The following DPYSL5 variants were observed in gnomAD, a reference collection of about 807,000 sequenced individuals.
DPYSL5 encodes dihydropyrimidinase-related protein 5.
In DPYSL5, 9 loss-of-function variants were observed where a neutral mutation model predicts 58.4. That is an observed-to-expected ratio of 0.15 (90% CI 0.09 to 0.27). The LOEUF is 0.27. Among genes scored for constraint, DPYSL5 ranks in the 10% least tolerant of loss-of-function variants. The pLI, the probability that DPYSL5 is intolerant of heterozygous loss-of-function variation, is 1.00. For synonymous variants in DPYSL5, 293 were observed against 301.9 expected, an observed-to-expected ratio of 0.97 and a Z score of 0.31; for missense variants, 499 against 770.6, an observed-to-expected ratio of 0.65 and a Z score of 4.17.
Position 26,941,974 on chromosome 2 carries a change from C to T in DPYSL5, c.1114C>T (p.Arg372Cys), listed in dbSNP as rs201235120. Residue 372 changes from arginine (R) to cysteine (C), a missense_variant, in exon 10 of 13, where the codon CGT becomes TGT. By Grantham distance (180) the Arg-to-Cys change is radical. Transcript: ENST00000288699. Reference protein sequence around the residue: ...GVVGGKMDENRFVAVTSSNAA... With the variant: ...GVVGGKMDENCFVAVTSSNAA... ...GGTTGGAGGAAAGATGGATGAGAACCGTTTTGTGGCCGTTACCAGTTCCAA... is the reference window on the plus strand; with the variant it reads ...GGTTGGAGGAAAGATGGATGAGAACTGTTTTGTGGCCGTTACCAGTTCCAA... 32 of 1,614,026 alleles carry T rather than the reference C, an allele frequency of 2.0e-5. No individual in the cohort carries two copies. In the Admixed American group the frequency reaches 2.0e-4, roughly 10 times the overall value.
intron 1 of DPYSL5, among the ~76,000 whole-genome samples, chr2:26,868,251 G>A (rs1663163418): frequency 6.6e-6 from 1 of 152,096 alleles, no homozygotes; most frequent in Non-Finnish European, 1.5e-5. Flanking sequence ...CATATGCGCT[G>A]CACATGTTTT....
chr2:26,856,246 T>A (rs2148105501), intron 1 of DPYSL5, among the ~76,000 whole-genome samples: 1 of 152,252 alleles, frequency 6.6e-6, no homozygotes, highest in South Asian at 2.1e-4. Context: ...AATCTTATTA[T>A]TTAAAAAAGG....
intron 1 of DPYSL5, among the ~76,000 whole-genome samples, chr2:26,879,988 T>C (rs1663515356): frequency 6.6e-6 from 1 of 152,094 alleles, no homozygotes; most frequent in Admixed American, 6.5e-5. Context: ...CCTCCCAGGC[T>C]CAAGTGATCC....
At chr2:26,893,203 A>G (rs1663931727) in intron 1 of DPYSL5, among the ~76,000 whole-genome samples, 1 of 152,200 alleles carries the variant, frequency 6.6e-6, no homozygotes. Flanking sequence ...ACAGCAGGAG[A>G]ACCTGGTGGT....
intron 2 of DPYSL5, among the ~76,000 whole-genome samples, chr2:26,921,977 A>T (rs1367440485): frequency 6.6e-6 from 1 of 151,700 alleles, no homozygotes; most frequent in African/African-American, 2.4e-5. Context: ...CTGTCCTTAG[A>T]CCCAGGCAAA....
chr2:26,902,028 C>G (rs2148139584), intron 2 of DPYSL5, among the ~76,000 whole-genome samples: 1 of 151,130 alleles, frequency 6.6e-6, no homozygotes. Flanking sequence ...CTGCCCCAGG[C>G]AGCACCCCCA....
chr2:26,926,812 T>G (rs1260450250), intron 3 of DPYSL5, among the ~76,000 whole-genome samples: 1 of 152,234 alleles, frequency 6.6e-6, no homozygotes. Flanking sequence ...CTCTCATAAC[T>G]TTGTTCATGT....
intron 12 of DPYSL5, among the ~76,000 whole-genome samples, chr2:26,946,294 T>A (rs1665481456): frequency 6.6e-6 from 1 of 152,084 alleles, no homozygotes; most frequent in Admixed American, 6.5e-5. Flanking sequence ...AGGCAGCCTG[T>A]CCCCTCCTCT....
intron 9 of DPYSL5, among the ~76,000 whole-genome samples, chr2:26,941,017 A>G (rs368120324): frequency 1.2e-3 from 181 of 150,786 alleles, no homozygotes; most frequent in Middle Eastern, 0.01. Flanking sequence ...GCTCACTGCA[A>G]CCTCCGCCTC....
At chr2:26,932,142 AG>A (rs1237995673) in intron 6 of DPYSL5, among the ~76,000 whole-genome samples, 63 of 41,942 alleles carry the variant, frequency 1.5e-3, no homozygotes, top group African/African-American at 5.8e-3. Flanking sequence ...AGAAAGAGAA[AG>A]AAAGAAAGAA....
chr2:26,927,323 A>G lies in DPYSL5; in HGVS notation c.491A>G (p.Lys164Arg), dbSNP rs1419441948. 1.2e-6 allele frequency: 2 copies of G among 1,614,238 alleles called. No individual in the cohort carries two copies. The highest frequency in any genetic ancestry group is 2.2e-5 in the East Asian group (1 of 44,890). Residue 164 changes from lysine to arginine, a missense_variant, in exon 4 of 13, where the codon AAG becomes AGG. Coordinates refer to ENST00000288699, the MANE Select transcript of DPYSL5 (RefSeq NM_020134.4). The surrounding 1 kb of genome is among the most constrained non-coding windows in gnomAD (Gnocchi z 4.3). ...TCGTTCCAGATGTTCATGACCTACAAGGACCTGTACATGCTTCGAGACAGT... is the reference window on the plus strand; with the variant it reads ...TCGTTCCAGATGTTCATGACCTACAGGGACCTGTACATGCTTCGAGACAGT... Reference protein sequence around the residue: ...VNSFQMFMTYKDLYMLRDSEL... With the variant: ...VNSFQMFMTYRDLYMLRDSEL...
intron 1 of DPYSL5, among the ~76,000 whole-genome samples, chr2:26,873,543 G>T (rs945994671): frequency 2.0e-5 from 3 of 152,112 alleles, no homozygotes; most frequent in Non-Finnish European, 4.4e-5. Flanking sequence ...TAGCTCCCAG[G>T]ACAAAATATT....
At chr2:26,928,353 G>A in intron 5 of DPYSL5, 30 bp downstream of exon 5, 2 of 1,609,740 alleles carry the variant, frequency 1.2e-6, no homozygotes, top group Non-Finnish European at 1.7e-6. Context: ...GCCTTTGTCA[G>A]CGTCTCTCAT....
At chr2:26,931,199 GTGTGTATATATATATATA>G (rs1173408545) in intron 5 of DPYSL5, among the ~76,000 whole-genome samples, 5 of 52,850 alleles carry the variant, frequency 9.5e-5, no homozygotes, top group African/African-American at 1.8e-4. Flanking sequence ...GTGTGTGTGT[GTGTGTATATATATATATA>G]TATATATATA....
chr2:26,936,435 G>C (rs1665177694), intron 8 of DPYSL5, among the ~76,000 whole-genome samples: 1 of 152,184 alleles, frequency 6.6e-6, no homozygotes, highest in African/African-American at 2.4e-5. Flanking sequence ...GCAGGGCTTA[G>C]CCAATGCGAG....
Position 26,928,306 on chromosome 2 carries a change from A to G in DPYSL5, c.652A>G (p.Ile218Val), listed in dbSNP as rs750711296. ...GATCACAGGCCCAGAAGGAATCGAG[A>G]TCAGCCGTCCAGAGGAGGTGAGAAA... is the stretch of plus-strand genomic sequence containing the variant. ...LGITGPEGIE[I>V]SRPEELEAEA... The change falls in exon 5 of 13, where the codon ATC becomes GTC. Residue 218 changes from isoleucine to valine, a missense_variant. Ile to Val is a conservative substitution (Grantham distance 29). Transcript: ENST00000288699. The G allele has an allele frequency of 1.4e-5, 23 of 1,613,784 alleles. No homozygotes were observed. The African/African-American group carries it at 1.7e-4, about 12-fold the overall frequency.
intron 2 of DPYSL5, among the ~76,000 whole-genome samples, chr2:26,921,705 G>C (rs1455597945): frequency 6.6e-6 from 1 of 152,156 alleles, no homozygotes; most frequent in Non-Finnish European, 1.5e-5. Flanking sequence ...GCCTGCAGCT[G>C]GGGGAGAGTT....
chr2:26,863,043 C>T (rs148526021), intron 1 of DPYSL5, among the ~76,000 whole-genome samples: 1 of 152,264 alleles, frequency 6.6e-6, no homozygotes, highest in African/African-American at 2.4e-5. Context: ...GGCCTCTCTC[C>T]AACACAGCGG....
Position 26,942,049 on chromosome 2 carries a change from G to A in DPYSL5, c.1189G>A (p.Gly397Arg), listed in dbSNP as rs755806141. 1.4e-5 allele frequency: 22 copies of A among 1,614,062 alleles called. No individual in the cohort carries two copies. Among genetic ancestry groups the A allele is most frequent in the South Asian group, 6.6e-5 (6 of 91,086 alleles). ...TCCCCGCAAGGGCCGCATTATTCCC[G>A]GAGCCGATGCTGATGTGGTGGTGTG... ...LYPRKGRIIP[G>R]ADADVVVWDP... The change falls in exon 10 of 13, where the codon GGA becomes AGA. Residue 397 changes from glycine to arginine, a missense_variant. Coordinates refer to ENST00000288699, the MANE Select transcript of DPYSL5 (RefSeq NM_020134.4). The surrounding 1 kb of genome is among the most constrained non-coding windows in gnomAD (Gnocchi z 5.9).
Sources: allele counts gnomAD v4.1 joint callset (sites outside exome capture counted in the v4.1 genomes callset), GRCh38; gene constraint gnomAD v4.1.1; non-coding constraint Gnocchi (gnomAD v3.1); transcripts MANE v1.5; gene names NCBI Gene and HGNC (gene_info 2026-07-23, HGNC 2026-07-21).